The following PSD variants were observed in gnomAD, a reference collection of about 807,000 sequenced individuals.
The protein encoded by PSD is pleckstrin and Sec7 domain containing, also known as PH and SEC7 domain-containing protein 1.
A neutral mutation model predicts 91.6 loss-of-function variants in PSD; 32 were observed. The observed-to-expected ratio is 0.35, with a 90% CI of 0.26 to 0.47. The LOEUF is 0.47. PSD is among the 20% of genes least tolerant of loss of function. PSD has a pLI of 1.00. For synonymous variants in PSD, 532 were observed against 569.3 expected (o/e 0.93, Z 0.93); for missense variants, 1,099 against 1,373.9 (o/e 0.80, Z 3.16).
In PSD at chr10:102,414,047, C is replaced by T. The variant is rs372853632; in HGVS notation, c.1275G>A (p.Ser425=). The change falls in exon 5 of 17, where the codon TCG becomes TCA. Residue 425 remains serine, a synonymous_variant. Coordinates refer to ENST00000020673, the MANE Select transcript of PSD (RefSeq NM_002779.5). This position sits in a 1 kb window ranked among gnomAD's most constrained non-coding sequence, Gnocchi z 5.6. ...AKGTSYTSLA[S]LEALASPGPT... ...GGCCAGGTGAGGCCAAGGCCTCCAG[C>T]GAGGCGAGGCTGGTATAGGAGGTGC... 5.6e-6 allele frequency: 9 copies of T among 1,614,012 alleles called. No individual in the cohort carries two copies. Among genetic ancestry groups the T allele is most frequent in the Middle Eastern group, 1.6e-4 (1 of 6,062 alleles).
At chr10:102,413,227 G>A (rs1040127747) in intron 5 of PSD, among the ~76,000 whole-genome samples, 1 of 152,166 alleles carries the variant, frequency 6.6e-6, no homozygotes, top group Non-Finnish European at 1.5e-5. Flanking sequence ...TAGGCAACCC[G>A]GTCTCCCTGG....
At chr10:102,407,578 G>A (rs899691328) in intron 10 of PSD, among the ~76,000 whole-genome samples, 1 of 152,088 alleles carries the variant, frequency 6.6e-6, no homozygotes, top group East Asian at 1.9e-4. Flanking sequence ...CTTTATTGTT[G>A]TTAAGGGGCT....
Position 102,414,951 on chromosome 10 carries a change from C to G in PSD, c.1036G>C (p.Gly346Arg). The G allele has an allele frequency of 6.4e-7, 1 of 1,558,306 alleles. No homozygotes were observed. Among genetic ancestry groups the G allele is most frequent in the South Asian group, 1.2e-5 (1 of 84,572 alleles). ...GPLPGPHPSL[G>R]SGNEDEDDDE... ...TCGTCCTCATCCTCATTGCCACTGC[C>G]GAGGCTGGGATGAGGGCCAGGGAGT... Residue 346 changes from glycine to arginine, a missense_variant, in exon 4 of 17, where the codon GGC becomes CGC. By Grantham distance (125) the Gly-to-Arg change is moderately radical (BLOSUM62 -2). Around this residue, in one of 3 missense-constraint regions of PSD, gnomAD observed 631 missense variants for 728.8 expected, o/e 0.87. Coordinates refer to ENST00000020673, the MANE Select transcript of PSD (RefSeq NM_002779.5). The surrounding 1 kb of genome is among the most constrained non-coding windows in gnomAD (Gnocchi z 5.6).
At position 102,407,635 on chromosome 10, in the gene PSD, G is replaced by A. The variant is rs575195884; in HGVS notation, c.2092-369C>T. 1.4e-4 allele frequency among the ~76,000 whole-genome samples: 22 copies of A among 152,224 alleles called. No individual in the cohort carries two copies. In the South Asian group the frequency reaches 4.4e-3, roughly 30 times the overall value. ...GGAGAAGCACAGCCCTGGAGGGAAC[G>A]GGAAAAGCAGCCCAAGAAATTCCCC... On this transcript the variant is annotated intron_variant, in intron 10 of 16. Coordinates refer to ENST00000020673, the MANE Select transcript of PSD (RefSeq NM_002779.5).
At chr10:102,419,808 G>C (rs1222302021), upstream of PSD, 1 of 181,648 alleles carries the variant, frequency 5.5e-6, no homozygotes, top group Non-Finnish European at 1.2e-5. The surrounding 1 kb of genome is among the most constrained non-coding windows in gnomAD (Gnocchi z 4.8). Flanking sequence ...TATCTTTGCA[G>C]GGGTCTGTCC....
In PSD at chr10:102,415,231, T is replaced by C. The variant is rs1363923218; in HGVS notation, c.758-2A>G. 3 of 1,602,528 alleles carry C rather than the reference T, an allele frequency of 1.9e-6. No individual in the cohort carries two copies. ...GGGCCTGCTCTGGGGGCTTAGCACC[T>C]GTAGTGTGCATAGGCATCCAGGTCA... On this transcript the variant is annotated splice_acceptor_variant, in intron 3 of 16. Coordinates refer to ENST00000020673, the MANE Select transcript of PSD (RefSeq NM_002779.5). LOFTEE classifies it high-confidence loss of function.
At position 102,404,789 on chromosome 10, in the gene PSD, C is replaced by A; in HGVS notation, c.2556-62G>T. The A allele has an allele frequency of 6.4e-7, 1 of 1,560,358 alleles. No individual in the cohort carries two copies. Among genetic ancestry groups the A allele is most frequent in the Non-Finnish European group, 8.7e-7 (1 of 1,151,660 alleles). On this transcript the variant is annotated intron_variant, in intron 14 of 16. Transcript: ENST00000020673. The surrounding 1 kb of genome is among the most constrained non-coding windows in gnomAD (Gnocchi z 5.7). ...AGGGTTTCTGTCCCAGGATGCCAGT[C>A]CTGGCTCAAGTGTGGCCTGAGAAGG...
Position 102,404,533 on chromosome 10 carries a change from G to A in PSD, c.2700+50C>T, listed in dbSNP as rs767658613. The A allele has an allele frequency of 2.5e-6, 4 of 1,586,818 alleles. No individual in the cohort carries two copies. Among genetic ancestry groups the A allele is most frequent in the South Asian group, 2.3e-5 (2 of 86,628 alleles). On this transcript the variant is annotated intron_variant, in intron 15 of 16. Transcript: ENST00000020673. This position sits in a 1 kb window ranked among gnomAD's most constrained non-coding sequence, Gnocchi z 5.7. Reference sequence around the variant, plus strand: ...GCAGCCTTGAGTGCAGTGGGCCTGAGCCTAACACCCTCCATCCCACTGGCA... The same window carrying A: ...GCAGCCTTGAGTGCAGTGGGCCTGAACCTAACACCCTCCATCCCACTGGCA...
chr10:102,403,142 G>T lies in PSD; in HGVS notation c.*58C>A. 1 of 1,354,408 alleles carries T rather than the reference G, an allele frequency of 7.4e-7. No homozygotes were observed. The highest frequency in any genetic ancestry group is 9.7e-7 in the Non-Finnish European group (1 of 1,025,782). 83.9% of individuals were successfully genotyped at this position (1,354,408 alleles called of 1,614,324 possible). A position where few individuals can be genotyped will look rare whatever the true frequency, so the allele number is the denominator to read the frequency against. On this transcript the variant is annotated 3_prime_UTR_variant, in exon 17 of 17. Transcript: ENST00000020673. The surrounding 1 kb of genome is among the most constrained non-coding windows in gnomAD (Gnocchi z 6.7). ...GTGGCCCGAGGCCGGCCCGGGCTCA[G>T]GCAGGGCCATGTCATCCTTCAGGTG...
rs202198830 is a variant in PSD, at chr10:102,412,348, C to T, written c.1748+33G>A. On this transcript the variant is annotated intron_variant, in intron 6 of 16. Coordinates refer to ENST00000020673, the MANE Select transcript of PSD (RefSeq NM_002779.5). The stretch of plus-strand genomic sequence containing the variant: ...CTGCCTTCAGGATGCATTCCCTCTG[C>T]CCCCATCCTCAGTCCCAGCCTAGTG... 9.9e-6 allele frequency: 16 copies of T among 1,611,460 alleles called. No homozygotes were observed. The Admixed American group carries it at 1.2e-4, about 12-fold the overall frequency.
At position 102,409,237 on chromosome 10, in the gene PSD, C is replaced by T. The variant is rs967681605; in HGVS notation, c.2091+1621G>A. ...CCCGAGCCGGCCCGGCTCTCACGGA[C>T]GCACGGAGTGCGCGGCGGCGGCGGC... On this transcript the variant is annotated intron_variant, in intron 10 of 16. Transcript: ENST00000020673. The surrounding 1 kb of genome is among the most constrained non-coding windows in gnomAD (Gnocchi z 5.7). 3.5e-5 allele frequency: 34 copies of T among 984,284 alleles called. No individual in the cohort carries two copies. In the South Asian group the frequency reaches 1.3e-3, roughly 37 times the overall value. 61.0% of individuals were successfully genotyped at this position (984,284 alleles called of 1,614,324 possible).
chr10:102,417,854 G>T (rs1032998645), intron 1 of PSD, among the ~76,000 whole-genome samples: 1 of 151,908 alleles, frequency 6.6e-6, no homozygotes, highest in Non-Finnish European at 1.5e-5. Context: ...GATTACAGGC[G>T]CTCAGCACTA....
chr10:102,416,337 C>A lies in PSD; in HGVS notation c.654+48G>T, dbSNP rs375792746. The A allele has an allele frequency of 1.4e-4, 218 of 1,556,086 alleles. No homozygotes were observed. The African/African-American group carries it at 2.6e-3, about 19-fold the overall frequency. ...AGCCCATGTCTGACAGGAGGCTGAG[C>A]CTTGCCCCTTCACTGGGGGCCCAGG... On this transcript the variant is annotated intron_variant, in intron 2 of 16. Coordinates refer to ENST00000020673, the MANE Select transcript of PSD (RefSeq NM_002779.5). The surrounding 1 kb of genome is among the most constrained non-coding windows in gnomAD (Gnocchi z 6.0).
At position 102,409,049 on chromosome 10, in the gene PSD, C is replaced by G. The variant is rs1213551409; in HGVS notation, c.2092-1783G>C. 2.6e-5 allele frequency: 26 copies of G among 985,964 alleles called. No homozygotes were observed. Among genetic ancestry groups the G allele is most frequent in the Non-Finnish European group, 3.0e-5 (25 of 829,922 alleles). The allele number at this position is 985,964 out of a possible 1,614,324, so 61.1% of individuals were successfully genotyped here. Reference sequence around the variant, plus strand: ...GCGCACGGAGCACAGCGAGCGCGAGCGCAGCCGCCCGGCGCTGCTGTGGAT... The same window carrying G: ...GCGCACGGAGCACAGCGAGCGCGAGGGCAGCCGCCCGGCGCTGCTGTGGAT... On this transcript the variant is annotated intron_variant, in intron 10 of 16. Coordinates refer to ENST00000020673, the MANE Select transcript of PSD (RefSeq NM_002779.5). The surrounding 1 kb of genome is among the most constrained non-coding windows in gnomAD (Gnocchi z 5.7).
rs1476126422 is a variant in PSD, at chr10:102,404,017, ACT to A, written c.2701-34_2701-33del. 11 of 1,533,088 alleles carry A rather than the reference ACT, an allele frequency of 7.2e-6. No individual in the cohort carries two copies. The highest frequency in any genetic ancestry group is 6.9e-5 in the African/African-American group (5 of 72,974). The allele number at this position is 1,533,088 out of a possible 1,614,324, so 95.0% of individuals were successfully genotyped here. A position where few individuals can be genotyped will look rare whatever the true frequency, so the allele number is the denominator to read the frequency against. ...GCCAGGGGGAGGCATGGTCATGGTC[ACT>A]CTGCCCTATACAGTGCCTCTGCAGA... On this transcript the variant is annotated intron_variant, in intron 15 of 16. Transcript: ENST00000020673. The surrounding 1 kb of genome is among the most constrained non-coding windows in gnomAD (Gnocchi z 5.7).
chr10:102,416,436 C>A lies in PSD; in HGVS notation c.603G>T (p.Glu201Asp). 1 of 1,611,800 alleles carries A rather than the reference C, an allele frequency of 6.2e-7. No individual in the cohort carries two copies. Among genetic ancestry groups the A allele is most frequent in the South Asian group, 1.1e-5 (1 of 90,594 alleles). ...SLPNGLGGPPERLATLFGGPA... is the reference protein window; with the variant it reads ...SLPNGLGGPPDRLATLFGGPA... ...GTCCTCCGAAGAGTGTGGCCAGGCGCTCAGGGGGGCCCCCCAGCCCATTGG... is the reference window on the plus strand; with the variant it reads ...GTCCTCCGAAGAGTGTGGCCAGGCGATCAGGGGGGCCCCCCAGCCCATTGG... Residue 201 changes from glutamate to aspartate, a missense_variant, in exon 2 of 17, where the codon GAG becomes GAT. Glu to Asp is a conservative substitution (Grantham distance 45). This residue lies in a region of PSD where 631 missense variants were observed against 728.8 expected (regional missense o/e 0.87). Transcript: ENST00000020673. This position sits in a 1 kb window ranked among gnomAD's most constrained non-coding sequence, Gnocchi z 6.0.
rs1305023658 is a variant in PSD, at chr10:102,403,386, C to T, written c.2889G>A (p.Leu963=). Residue 963 remains leucine (L), a synonymous_variant, in exon 17 of 17, where the codon CTG becomes CTA. Transcript: ENST00000020673. The surrounding 1 kb of genome is among the most constrained non-coding windows in gnomAD (Gnocchi z 6.7). ...STYAALLRVK[L]KAGSEELDAV... is the part of the protein sequence containing the mutation. The stretch of plus-strand genomic sequence containing the variant: ...CATCCAGCTCCTCACTGCCTGCCTT[C>T]AGCTTGACCCGAAGCAGCGCTGCAT... 6.2e-7 allele frequency: 1 copy of T among 1,613,676 alleles called. No individual in the cohort carries two copies. Among genetic ancestry groups the T allele is most frequent in the Non-Finnish European group, 8.5e-7 (1 of 1,180,002 alleles).
At chr10:102,407,985 T>C (rs527388365) in intron 10 of PSD, among the ~76,000 whole-genome samples, 1 of 152,320 alleles carries the variant, frequency 6.6e-6, no homozygotes, top group South Asian at 2.1e-4. Flanking sequence ...AACCAGCCAC[T>C]TCCCCTCTGT....
intron 11 of PSD, among the ~76,000 whole-genome samples, chr10:102,406,767 A>C (rs1162393155): frequency 6.6e-6 from 1 of 152,194 alleles, no homozygotes; most frequent in Non-Finnish European, 1.5e-5. Context: ...GGCCTCCCAA[A>C]GTGCTGGGAT....
Sources: allele counts gnomAD v4.1 joint callset (sites outside exome capture counted in the v4.1 genomes callset), GRCh38; gene constraint gnomAD v4.1.1; regional missense constraint gnomAD v4.1.1; non-coding constraint Gnocchi (gnomAD v3.1); transcripts MANE v1.5; gene names NCBI Gene and HGNC (gene_info 2026-07-23, HGNC 2026-07-21).